Variants in PCDH15 observed in about 807,000 individuals in gnomAD.
PCDH15 encodes the protein protocadherin related 15, also known as protocadherin-15.
PCDH15 carries 129 observed loss-of-function variants against 178.5 expected under a neutral mutation model. The ratio of observed to expected loss-of-function variants is 0.72; its 90% CI spans 0.63 to 0.84. The LOEUF (loss-of-function observed/expected upper bound fraction) is 0.84, where lower values mean the gene tolerates loss of function less well. Ranked by LOEUF, PCDH15 falls within the 40% of genes least tolerant of loss-of-function variation. The probability of loss-of-function intolerance (pLI) is 0.00; values close to 1 mark genes in which losing one functional copy is unlikely to be tolerated. For missense variants in PCDH15, 2,230 were observed against 2,099.9 expected (o/e 1.06, Z -1.21); for synonymous variants, 800 against 732.0 (o/e 1.09, Z -1.50).
intron 30 of PCDH15, among the ~76,000 whole-genome samples, chr10:53,829,612 A>AATTG (rs1406770029): frequency 1.3e-5 from 2 of 152,166 alleles, no homozygotes; most frequent in East Asian, 3.9e-4. Context: ...TTAGCATATC[A>AATTG]ATTGATTGGT....
chr10:54,678,375 A>T (rs2094831234), intron 1 of PCDH15, among the ~76,000 whole-genome samples: 1 of 152,122 alleles, frequency 6.6e-6, no homozygotes, highest in Non-Finnish European at 1.5e-5. Flanking sequence ...ACATTTATTT[A>T]TGTTTTTTGT....
chr10:55,389,612 C>G (rs1236227226), intron 2 of PCDH15, among the ~76,000 whole-genome samples: 1 of 152,034 alleles, frequency 6.6e-6, no homozygotes, highest in African/African-American at 2.4e-5. Context: ...TCCCCAATGC[C>G]TCTGCAATTC....
rs577060802 is a variant in PCDH15, at chr10:55,615,858, A to G, written c.-156+11767T>C. Among the ~76,000 whole-genome samples the G allele has an allele frequency of 1.4e-3, 212 of 152,282 alleles. 1 individual carries two copies. The highest frequency in any genetic ancestry group is 3.4e-3 in the Middle Eastern group (1 of 294). Reference sequence around the variant, plus strand: ...GTCTGTAGTGAGCTATGATCATTCCATCGCTGCAGCCTGGGCGACAGAGCA... The same window carrying G: ...GTCTGTAGTGAGCTATGATCATTCCGTCGCTGCAGCCTGGGCGACAGAGCA... On this transcript the variant is annotated intron_variant, in intron 2 of 5. Coordinates refer to the PCDH15 transcript ENST00000613346.
chr10:53,870,835 A>T (rs1157059647), intron 26 of PCDH15, among the ~76,000 whole-genome samples: 1 of 152,218 alleles, frequency 6.6e-6, no homozygotes, highest in Non-Finnish European at 1.5e-5. Context: ...TTAAATACAC[A>T]CTGAGTCACA....
chr10:53,997,293 G>C (rs1361232431), intron 20 of PCDH15, among the ~76,000 whole-genome samples: 1 of 152,074 alleles, frequency 6.6e-6, no homozygotes, highest in Admixed American at 6.6e-5. Flanking sequence ...GGACTGTGAA[G>C]GGTATTGATC....
chr10:55,494,545 A>G (rs1840490862), intron 2 of PCDH15, among the ~76,000 whole-genome samples: 1 of 151,198 alleles, frequency 6.6e-6, no homozygotes, highest in South Asian at 2.1e-4. Flanking sequence ...TTTATTGTTA[A>G]GAGGATATTT....
intron 3 of PCDH15, among the ~76,000 whole-genome samples, chr10:54,431,057 G>T (rs559533507): frequency 6.6e-6 from 1 of 151,804 alleles, no homozygotes; most frequent in Non-Finnish European, 1.5e-5. Flanking sequence ...CAGAATAGAC[G>T]CAAGAAGAAA....
chr10:54,535,138 T>C (rs1479954067), intron 2 of PCDH15, among the ~76,000 whole-genome samples: 2 of 152,338 alleles, frequency 1.3e-5, no homozygotes, highest in East Asian at 3.9e-4. Context: ...GAGCAAATGA[T>C]ATTTTATGTA....
intron 25 of PCDH15, 142 bp from the exon 26 acceptor site, chr10:53,903,512 C>A (rs2082468971): frequency 2.3e-6 from 2 of 875,154 alleles, no homozygotes; most frequent in East Asian, 2.6e-5. Flanking sequence ...GCCTAGCACC[C>A]CCAAATTCAG....
intron 6 of PCDH15, among the ~76,000 whole-genome samples, chr10:54,339,312 G>A (rs1348587055): frequency 6.6e-6 from 1 of 151,918 alleles, no homozygotes; most frequent in African/African-American, 2.4e-5. Context: ...CTCTGAATTA[G>A]TTCAGTGCAT....
At chr10:53,929,557 C>T (rs1239100015) in intron 25 of PCDH15, among the ~76,000 whole-genome samples, 1 of 152,032 alleles carries the variant, frequency 6.6e-6, no homozygotes, top group Non-Finnish European at 1.5e-5. Flanking sequence ...AATATTGTTA[C>T]CCAAGTTATA....
At chr10:53,843,674 C>T (rs1427052236) in intron 28 of PCDH15, among the ~76,000 whole-genome samples, 1 of 151,944 alleles carries the variant, frequency 6.6e-6, no homozygotes, top group Non-Finnish European at 1.5e-5. Flanking sequence ...CTCCCTATTT[C>T]CTCTCCCCAA....
chr10:54,532,851 T>C (rs916395887), intron 2 of PCDH15, among the ~76,000 whole-genome samples: 1 of 152,108 alleles, frequency 6.6e-6, no homozygotes, highest in East Asian at 1.9e-4. Flanking sequence ...TTTCCCTGAG[T>C]ACTCCAGTCT....
chr10:55,601,775 A>G (rs973621914), intron 2 of PCDH15, among the ~76,000 whole-genome samples: 11 of 152,200 alleles, frequency 7.2e-5, no homozygotes, highest in Non-Finnish European at 2.9e-5. Flanking sequence ...TATACTGACT[A>G]GATACAAGAA....
At chr10:55,218,244 A>G (rs1840763550) in intron 1 of PCDH15, among the ~76,000 whole-genome samples, 1 of 152,014 alleles carries the variant, frequency 6.6e-6, no homozygotes, top group South Asian at 2.1e-4. Context: ...CAATCTTAAC[A>G]AACTCCAAAG....
intron 14 of PCDH15, among the ~76,000 whole-genome samples, chr10:54,138,904 GTTTT>G (rs370708653): frequency 2.7e-5 from 4 of 150,732 alleles, no homozygotes; most frequent in African/African-American, 9.7e-5. Flanking sequence ...CATGTATTAC[GTTTT>G]TTTTTGTCTA....
At chr10:54,524,326 T>C (rs938286442) in intron 3 of PCDH15, among the ~76,000 whole-genome samples, 1 of 150,854 alleles carries the variant, frequency 6.6e-6, no homozygotes, top group Non-Finnish European at 1.5e-5. Context: ...TGTCTCTGCA[T>C]CTGTCCATTT....
At chr10:54,749,549 T>C (rs1945922920) in intron 1 of PCDH15, among the ~76,000 whole-genome samples, 1 of 152,148 alleles carries the variant, frequency 6.6e-6, no homozygotes, top group African/African-American at 2.4e-5. Context: ...GGCTATACTT[T>C]TTTAGAATCT....
At chr10:53,947,285 A>C (rs1047025773) in intron 23 of PCDH15, among the ~76,000 whole-genome samples, 2 of 152,170 alleles carry the variant, frequency 1.3e-5, no homozygotes, top group Non-Finnish European at 2.9e-5. Flanking sequence ...TGAGTTCAAG[A>C]AGTAACAATA....
Sources: allele counts gnomAD v4.1 joint callset (sites outside exome capture counted in the v4.1 genomes callset), GRCh38; gene constraint gnomAD v4.1.1; transcripts MANE v1.5; gene names NCBI Gene and HGNC (gene_info 2026-07-23, HGNC 2026-07-21).